TEX11: variants seen among roughly 807,000 people sequenced by gnomAD.
The protein encoded by TEX11 is testis-expressed protein 11.
A neutral mutation model predicts 84.4 loss-of-function variants in TEX11; 7 were observed. That is an observed-to-expected ratio of 0.08 (90% CI 0.05 to 0.16). The LOEUF (loss-of-function observed/expected upper bound fraction) is 0.16. TEX11 is among the 10% of genes least tolerant of loss of function. The pLI is 1.00. For synonymous variants in TEX11, 264 were observed against 222.8 expected (o/e 1.18, Z -1.64); for missense variants, 551 against 660.5 (o/e 0.83, Z 1.82).
At chrX:70,811,388 G>C (rs2091253222) in intron 8 of TEX11, among the ~76,000 whole-genome samples, 1 of 111,803 alleles carries the variant, frequency 8.9e-6, no homozygotes, top group African/African-American at 3.3e-5. Context: ...GTATTTCATG[G>C]TGTATATGTG....
chrX:70,561,075 G>A (rs1406723775), intron 25 of TEX11, among the ~76,000 whole-genome samples: 2 of 108,338 alleles, frequency 1.8e-5, no homozygotes, highest in African/African-American at 6.7e-5. Context: ...GATTGGGATT[G>A]CTTTGAATCT....
Position 70,880,068 on chromosome X carries a change from T to A in TEX11, c.79A>T (p.Ile27Leu), listed in dbSNP as rs1179943501. 7 of 1,178,592 alleles carry A rather than the reference T, an allele frequency of 5.9e-6. No homozygotes were observed. The highest frequency in any genetic ancestry group is 8.0e-6 in the Non-Finnish European group (7 of 872,158). ...NLVTNDNSPN[I>L]PEAIDRLFSD... ...AAGAGTCTATCAATTGCCTCTGGTA[T>A]GTTAGGTGAATTATCATTTGTAACC... The change falls in exon 3 of 30, where the codon ATA becomes TTA. Residue 27 changes from isoleucine (I) to leucine (L), a missense_variant. Transcript: ENST00000374333.
chrX:70,754,732 C>A (rs1469553701), intron 9 of TEX11, among the ~76,000 whole-genome samples: 1 of 108,333 alleles, frequency 9.2e-6, no homozygotes, highest in Admixed American at 9.9e-5. Context: ...TTTCAGGTAG[C>A]TCAGGAGAGA....
intron 4 of TEX11, among the ~76,000 whole-genome samples, chrX:70,861,508 A>C (rs755515226): frequency 2.7e-5 from 3 of 110,752 alleles, no homozygotes; most frequent in Non-Finnish European, 3.8e-5. Context: ...TCTGTCGCCC[A>C]GGATGGAGTG....
At chrX:70,658,701 A>T (rs1004706628) in intron 16 of TEX11, among the ~76,000 whole-genome samples, 2 of 111,697 alleles carry the variant, frequency 1.8e-5, no homozygotes, top group African/African-American at 6.5e-5. Context: ...TGATCTACAG[A>T]TTCAATGTAA....
chrX:70,817,483 A>G (rs2091294781), intron 8 of TEX11, among the ~76,000 whole-genome samples: 1 of 112,249 alleles, frequency 8.9e-6, no homozygotes, highest in African/African-American at 3.2e-5. Context: ...TGAGGTGGGA[A>G]GATTGCTTGA....
intron 4 of TEX11, among the ~76,000 whole-genome samples, chrX:70,867,040 A>G (rs7876993): frequency 0.01 from 1,149 of 111,837 alleles, 14 homozygotes; most frequent in African/African-American, 0.035. Context: ...AGGCAAGAGA[A>G]AGAAATAAAG....
At chrX:70,524,272 T>A (rs1050575333), downstream of TEX11, among the ~76,000 whole-genome samples, 2 of 112,476 alleles carry the variant, frequency 1.8e-5, no homozygotes, top group Non-Finnish European at 3.7e-5. Flanking sequence ...TCTTGTACCA[T>A]GAAGTGTCCA....
intron 9 of TEX11, among the ~76,000 whole-genome samples, chrX:70,802,208 T>C (rs558298938): frequency 9.0e-6 from 1 of 111,145 alleles, no homozygotes; most frequent in African/African-American, 3.3e-5. Context: ...ACAAATACAT[T>C]GCAAGGAAAA....
At chrX:70,673,402 C>A (rs1248716613) in intron 15 of TEX11, 1 of 111,766 alleles carries the variant, frequency 8.9e-6, no homozygotes, top group South Asian at 3.8e-4. Flanking sequence ...GGATTACAGG[C>A]AGGAGCCACC....
chrX:70,826,869 C>T (rs894645953), intron 8 of TEX11, among the ~76,000 whole-genome samples: 3 of 111,051 alleles, frequency 2.7e-5, no homozygotes, highest in African/African-American at 9.8e-5. Flanking sequence ...CTAGGCAACT[C>T]CTAGTGTAAG....
intron 9 of TEX11, among the ~76,000 whole-genome samples, chrX:70,786,263 G>A (rs1387175007): frequency 1.8e-5 from 2 of 110,981 alleles, no homozygotes; most frequent in Non-Finnish European, 3.8e-5. Flanking sequence ...GGTGGGAATT[G>A]AACCATGAGA....
chrX:70,569,755 G>T (rs764783685), intron 25 of TEX11, among the ~76,000 whole-genome samples: 1 of 111,250 alleles, frequency 9.0e-6, no homozygotes, highest in Non-Finnish European at 1.9e-5. Context: ...CTGTCTGATC[G>T]TTCCGCTGGA....
intron 4 of TEX11, among the ~76,000 whole-genome samples, chrX:70,871,853 A>C (rs1602199927): frequency 3.3e-5 from 3 of 90,082 alleles, no homozygotes; most frequent in African/African-American, 8.6e-5. Context: ...CACTTTCCCC[A>C]CCCATTTAGT....
intron 25 of TEX11, among the ~76,000 whole-genome samples, chrX:70,573,892 C>T (rs1000885301): frequency 9.0e-6 from 1 of 111,096 alleles, no homozygotes; most frequent in African/African-American, 3.3e-5. Context: ...TTTATGCTGG[C>T]AGAACATCCA....
At chrX:70,694,568 G>A (rs1431618043) in intron 13 of TEX11, among the ~76,000 whole-genome samples, 1 of 111,672 alleles carries the variant, frequency 9.0e-6, no homozygotes, top group Non-Finnish European at 1.9e-5. Context: ...GTCAGGATGT[G>A]GAGAAACTGA....
rs146734721 is a variant in TEX11 at position 70,740,781 on chromosome X, G to A, written c.763C>T (p.Leu255=). 3.1e-4 allele frequency: 368 copies of A among 1,173,568 alleles called. No individual in the cohort carries two copies. Among genetic ancestry groups the A allele is most frequent in the Non-Finnish European group, 3.8e-4 (334 of 874,425 alleles). ...CAATCCAAATAATTCGTGGCTAATAGCCGTAGAACTTTAGCCTGTAAGAAA... is the reference window on the plus strand; with the variant it reads ...CAATCCAAATAATTCGTGGCTAATAACCGTAGAACTTTAGCCTGTAAGAAA... ...GPEMLAKVLR[L]LATNYLDWDD... Residue 255 remains leucine (L), a synonymous_variant, in exon 11 of 30, where the codon CTA becomes TTA. Coordinates refer to ENST00000374333, the MANE Select transcript of TEX11 (RefSeq NM_031276.3).
intron 11 of TEX11, among the ~76,000 whole-genome samples, chrX:70,732,725 C>T (rs1471511956): frequency 1.1e-4 from 12 of 110,609 alleles, no homozygotes; most frequent in Non-Finnish European, 1.7e-4. Flanking sequence ...GGCCATACTG[C>T]TCAAGGTAAT....
Position 70,629,633 on chromosome X carries a change from A to G in TEX11, c.1586T>C (p.Leu529Ser), listed in dbSNP as rs755124384. The G allele has an allele frequency of 8.3e-7, 1 of 1,210,200 alleles. No individual in the cohort carries two copies. Among genetic ancestry groups the G allele is most frequent in the Non-Finnish European group, 1.1e-6 (1 of 894,369 alleles). The change falls in exon 18 of 30, where the codon TTA becomes TCA. Residue 529 changes from leucine to serine, a missense_variant. Leu to Ser is a moderately radical substitution (Grantham distance 145, BLOSUM62 -2). Coordinates refer to ENST00000374333, the MANE Select transcript of TEX11 (RefSeq NM_031276.3). ...TACCTCTAGAGCAAACTGGGCAGCT[A>G]AACTTAGAAGCATGGTAGGTGAACC... ...ERGSPTMLLS[L>S]AAQFALENGQ... is the part of the protein sequence containing the mutation.
Sources: gnomAD v4.1 joint callset for allele counts (sites outside exome capture counted in the v4.1 genomes callset) on GRCh38, gnomAD v4.1.1 for gene constraint, MANE v1.5 for transcripts, NCBI Gene and HGNC (gene_info 2026-07-23, HGNC 2026-07-21) for gene names.